Variants in ST6GALNAC3 observed in about 807,000 individuals in gnomAD.
ST6GALNAC3 encodes ST6 N-acetylgalactosaminide alpha-2,6-sialyltransferase 3, also known as alpha-N-acetylgalactosaminide alpha-2,6-sialyltransferase 3.
A neutral mutation model predicts 32.7 loss-of-function variants in ST6GALNAC3; 25 were observed. That is an observed-to-expected ratio of 0.76 (90% CI 0.56 to 1.07). The LOEUF is 1.07. Ranked by LOEUF, ST6GALNAC3 falls within the 50% of genes least tolerant of loss-of-function variation. The pLI, the probability that ST6GALNAC3 is intolerant of heterozygous loss-of-function variation, is 0.00. For missense variants in ST6GALNAC3, 355 were observed against 382.4 expected, an observed-to-expected ratio of 0.93 and a Z score of 0.60; for synonymous variants, 129 against 133.1, an observed-to-expected ratio of 0.97 and a Z score of 0.21.
At chr1:76,305,623 G>T (rs1367232457) in intron 1 of ST6GALNAC3, among the ~76,000 whole-genome samples, 4 of 152,030 alleles carry the variant, frequency 2.6e-5, no homozygotes, top group South Asian at 2.1e-4. Context: ...ACTTCATCAG[G>T]TATCACCAGC....
At chr1:76,362,522 C>T (rs1650044581) in intron 2 of ST6GALNAC3, among the ~76,000 whole-genome samples, 1 of 152,184 alleles carries the variant, frequency 6.6e-6, no homozygotes, top group Non-Finnish European at 1.5e-5. Flanking sequence ...TCCAAAGTCT[C>T]ATCTGAGACA....
intron 2 of ST6GALNAC3, among the ~76,000 whole-genome samples, chr1:76,343,519 A>T (rs181759672): frequency 3.3e-5 from 5 of 152,320 alleles, no homozygotes; most frequent in Non-Finnish European, 7.4e-5. Flanking sequence ...AGCATGGAAA[A>T]GTAGTCTAGG....
chr1:76,282,615 T>C (rs1033741906), intron 1 of ST6GALNAC3, among the ~76,000 whole-genome samples: 2 of 152,156 alleles, frequency 1.3e-5, no homozygotes, highest in African/African-American at 4.8e-5. Context: ...GGGATCAGCT[T>C]TATTGTGATT....
intron 3 of ST6GALNAC3, among the ~76,000 whole-genome samples, chr1:76,473,402 G>A (rs1478181018): frequency 6.6e-6 from 1 of 152,102 alleles, no homozygotes; most frequent in Non-Finnish European, 1.5e-5. Flanking sequence ...AATCTGAGAT[G>A]AACCATTTGA....
At chr1:76,093,865 G>A (rs1326106016) in intron 1 of ST6GALNAC3, among the ~76,000 whole-genome samples, 4 of 152,148 alleles carry the variant, frequency 2.6e-5, no homozygotes, top group Non-Finnish European at 5.9e-5. Context: ...TGTTGAACAT[G>A]CCACATAAGC....
intron 3 of ST6GALNAC3, among the ~76,000 whole-genome samples, chr1:76,620,016 G>A (rs757724748): frequency 1.3e-5 from 2 of 152,062 alleles, no homozygotes; most frequent in Non-Finnish European, 2.9e-5. Flanking sequence ...ATTACCTCCT[G>A]AATAGCCTTG....
At chr1:76,266,621 G>T (rs1485971585) in intron 1 of ST6GALNAC3, among the ~76,000 whole-genome samples, 1 of 152,166 alleles carries the variant, frequency 6.6e-6, no homozygotes, top group Non-Finnish European at 1.5e-5. Flanking sequence ...TTGCTCTTAG[G>T]ATCTTGTCTA....
Position 76,412,288 on chromosome 1 carries a change from G to GC in ST6GALNAC3, c.495dup (p.Asn166GlnfsTer32). ...CCTTTCCGCAATATGAGGAAAGATGGCAATGGCATCGTTTACAACATGTTG... is the reference window on the plus strand; with the variant it reads ...CCTTTCCGCAATATGAGGAAAGATGGCCAATGGCATCGTTTACAACATGTTG... On this transcript the variant is annotated frameshift_variant, in exon 3 of 5. Transcript: ENST00000328299. LOFTEE classifies it high-confidence loss of function. 1.2e-6 allele frequency: 2 copies of GC among 1,613,490 alleles called. No individual in the cohort carries two copies. Among genetic ancestry groups the GC allele is most frequent in the East Asian group, 4.5e-5 (2 of 44,856 alleles).
chr1:76,085,451 A>T (rs1386412738), intron 1 of ST6GALNAC3, among the ~76,000 whole-genome samples: 1 of 152,210 alleles, frequency 6.6e-6, no homozygotes, highest in Non-Finnish European at 1.5e-5. Flanking sequence ...TTTACTGAGC[A>T]TAGAGCTAAA....
intron 3 of ST6GALNAC3, among the ~76,000 whole-genome samples, chr1:76,600,632 T>G (rs2100626382): frequency 6.6e-6 from 1 of 152,336 alleles, no homozygotes; most frequent in East Asian, 1.9e-4. Flanking sequence ...TATGTCACTG[T>G]GCTGAGAGTG....
chr1:76,424,708 G>C (rs1571188635), intron 3 of ST6GALNAC3, among the ~76,000 whole-genome samples: 1 of 152,082 alleles, frequency 6.6e-6, no homozygotes, highest in South Asian at 2.1e-4. Flanking sequence ...AGATGGACTT[G>C]TGTATGTAGG....
At position 76,629,412 on chromosome 1, in the gene ST6GALNAC3, T is replaced by C; in HGVS notation, c.*606T>C. 5.1e-6 allele frequency: 5 copies of C among 985,636 alleles called. No individual in the cohort carries two copies. The highest frequency in any genetic ancestry group is 6.0e-6 in the Non-Finnish European group (5 of 829,840). The allele number at this position is 985,636 out of a possible 1,614,324, so 61.1% of individuals were successfully genotyped here. ...ATTAACAATGAAGATTTCATGGACA[T>C]CCTACACTTCAGGATTACTTGACTA... On this transcript the variant is annotated 3_prime_UTR_variant, in exon 5 of 5. Coordinates refer to ENST00000328299, the MANE Select transcript of ST6GALNAC3 (RefSeq NM_152996.4).
chr1:76,311,828 T>G (rs1646769831), intron 1 of ST6GALNAC3, among the ~76,000 whole-genome samples: 1 of 152,214 alleles, frequency 6.6e-6, no homozygotes, highest in Admixed American at 6.5e-5. Context: ...ATGGTATTTC[T>G]GGTTCTAGAT....
intron 3 of ST6GALNAC3, among the ~76,000 whole-genome samples, chr1:76,469,437 C>T (rs1162379076): frequency 6.6e-6 from 1 of 152,054 alleles, no homozygotes; most frequent in Non-Finnish European, 1.5e-5. Flanking sequence ...ACAAATTTAT[C>T]AAGTAATTCA....
chr1:76,196,568 C>T lies in ST6GALNAC3; in HGVS notation c.19-117237C>T, dbSNP rs556470574. Among the ~76,000 whole-genome samples, 32 of 151,920 alleles carry T rather than the reference C, an allele frequency of 2.1e-4. No individual in the cohort carries two copies. The East Asian group carries it at 2.1e-3, about 10-fold the overall frequency. ...GCAGCCTCCTCCTCCCGGGTTCAAG[C>T]GATTCTCCCACGTCAGCCTCTCGAG... On this transcript the variant is annotated intron_variant, in intron 1 of 4. Transcript: ENST00000328299.
chr1:76,320,597 G>T (rs1646947326), intron 2 of ST6GALNAC3, among the ~76,000 whole-genome samples: 1 of 152,018 alleles, frequency 6.6e-6, no homozygotes, highest in Non-Finnish European at 1.5e-5. Context: ...CACATGTACA[G>T]GTAATACATA....
chr1:76,507,463 C>G (rs1661551470), intron 3 of ST6GALNAC3, among the ~76,000 whole-genome samples: 1 of 152,148 alleles, frequency 6.6e-6, no homozygotes. Context: ...TTGCTGGGCC[C>G]TTGAAACCAC....
At chr1:76,160,573 AC>A (rs1369341063) in intron 1 of ST6GALNAC3, among the ~76,000 whole-genome samples, 2 of 152,166 alleles carry the variant, frequency 1.3e-5, no homozygotes. Flanking sequence ...TATAGGAGGC[AC>A]CCATCTTACT....
intron 1 of ST6GALNAC3, among the ~76,000 whole-genome samples, chr1:76,222,550 C>T (rs1655832844): frequency 6.6e-6 from 1 of 152,078 alleles, no homozygotes; most frequent in African/African-American, 2.4e-5. Context: ...TAAAAATTTA[C>T]AAGCAATGCT....
Sources: allele counts gnomAD v4.1 joint callset (sites outside exome capture counted in the v4.1 genomes callset), GRCh38; gene constraint gnomAD v4.1.1; transcripts MANE v1.5; gene names NCBI Gene and HGNC (gene_info 2026-07-23, HGNC 2026-07-21).